Variants in TLK2 observed in about 807,000 individuals in gnomAD.
TLK2 encodes serine/threonine-protein kinase tousled-like 2.
A neutral mutation model predicts 117.3 loss-of-function variants in TLK2; 6 were observed. The ratio of observed to expected loss-of-function variants is 0.05; its 90% CI spans 0.03 to 0.10. The LOEUF is 0.10. TLK2 is among the 10% of genes least tolerant of loss of function. The pLI is 1.00. For missense variants in TLK2, 299 were observed against 901.2 expected, an observed-to-expected ratio of 0.33 and a Z score of 8.56; for synonymous variants, 257 against 316.7, an observed-to-expected ratio of 0.81 and a Z score of 2.00.
intron 6 of TLK2, among the ~76,000 whole-genome samples, chr17:62,526,851 G>A (rs2076396848): frequency 6.6e-6 from 1 of 152,146 alleles, no homozygotes; most frequent in Non-Finnish European, 1.5e-5. Context: ...TAGTCTCCTT[G>A]TTTTTGCCCT....
At position 62,615,287 on chromosome 17, in the gene TLK2, G is replaced by A. The variant is rs1260526904; in HGVS notation, c.*2722G>A. 1.3e-5 allele frequency: 2 copies of A among 152,142 alleles called. No individual in the cohort carries two copies. Among genetic ancestry groups the A allele is most frequent in the Non-Finnish European group, 2.9e-5 (2 of 68,046 alleles). 9.4% of individuals were successfully genotyped at this position (152,142 alleles called of 1,614,324 possible). On this transcript the variant is annotated 3_prime_UTR_variant, in exon 22 of 22. Transcript: ENST00000346027. Reference sequence around the variant, plus strand: ...GCAGCCAGTGAAATCACTAAGTGGGGTTCTTCCATGACATATTTTGTTAAT... The same window carrying A: ...GCAGCCAGTGAAATCACTAAGTGGGATTCTTCCATGACATATTTTGTTAAT...
At chr17:62,581,678 T>C (rs1773073890) in intron 15 of TLK2, among the ~76,000 whole-genome samples, 2 of 152,044 alleles carry the variant, frequency 1.3e-5, no homozygotes, top group South Asian at 2.1e-4. Flanking sequence ...TGGGCTCAAG[T>C]GATCACACCT....
chr17:62,530,682 A>G (rs1018561307), intron 6 of TLK2, among the ~76,000 whole-genome samples: 6 of 152,230 alleles, frequency 3.9e-5, no homozygotes, highest in Admixed American at 2.6e-4. Context: ...AGGTTTATCT[A>G]TGTATTTACC....
At chr17:62,580,628 C>T (rs1415357831) in intron 15 of TLK2, among the ~76,000 whole-genome samples, 1 of 152,168 alleles carries the variant, frequency 6.6e-6, no homozygotes, top group Non-Finnish European at 1.5e-5. Flanking sequence ...ATATCATTTA[C>T]TAGCACTGGC....
At chr17:62,592,470 G>A (rs1361945123) in intron 16 of TLK2, among the ~76,000 whole-genome samples, 1 of 152,202 alleles carries the variant, frequency 6.6e-6, no homozygotes, top group South Asian at 2.1e-4. Flanking sequence ...ATCGTTAGGT[G>A]ATTTTGTTGT....
chr17:62,557,570 C>A (rs191857572), intron 9 of TLK2, among the ~76,000 whole-genome samples: 20 of 152,254 alleles, frequency 1.3e-4, no homozygotes, highest in African/African-American at 4.1e-4. Context: ...TGTATACTTG[C>A]ATGGAGTTGC....
At chr17:62,602,304 C>A in intron 19 of TLK2, 124 bp downstream of exon 19, 1 of 898,456 alleles carries the variant, frequency 1.1e-6, no homozygotes, top group Non-Finnish European at 1.6e-6. Flanking sequence ...CCAAAGCAGA[C>A]TTTCTCCCCA....
chr17:62,560,910 T>C (rs2079215675), intron 10 of TLK2, among the ~76,000 whole-genome samples: 1 of 152,162 alleles, frequency 6.6e-6, no homozygotes, highest in African/African-American at 2.4e-5. Context: ...ATGTGCCATA[T>C]TGATGTGCTG....
At chr17:62,555,064 G>A (rs2078752765) in intron 9 of TLK2, among the ~76,000 whole-genome samples, 1 of 151,390 alleles carries the variant, frequency 6.6e-6, no homozygotes, top group Non-Finnish European at 1.5e-5. Flanking sequence ...AAATGTTACT[G>A]ATTTATGAAT....
At chr17:62,554,337 G>C (rs1387492383) in intron 9 of TLK2, among the ~76,000 whole-genome samples, 1 of 152,210 alleles carries the variant, frequency 6.6e-6, no homozygotes, top group Non-Finnish European at 1.5e-5. Context: ...CACTTTGGGA[G>C]GCCAAGGCAG....
At chr17:62,501,441 T>C (rs1368616371) in intron 2 of TLK2, among the ~76,000 whole-genome samples, 1 of 151,356 alleles carries the variant, frequency 6.6e-6, no homozygotes, top group East Asian at 2.0e-4. Context: ...GTAAATGAGA[T>C]AGAAAACAAG....
intron 6 of TLK2, among the ~76,000 whole-genome samples, chr17:62,533,008 C>A (rs190250032): frequency 6.6e-6 from 1 of 152,100 alleles, no homozygotes; most frequent in Non-Finnish European, 1.5e-5. Flanking sequence ...TTTTAACTTG[C>A]ATTTGTTCAT....
chr17:62,603,576 T>C (rs970089666), intron 19 of TLK2, among the ~76,000 whole-genome samples: 4 of 152,156 alleles, frequency 2.6e-5, no homozygotes, highest in African/African-American at 9.7e-5. Flanking sequence ...GTTACTGCTG[T>C]AGTTGCTTAC....
intron 11 of TLK2, among the ~76,000 whole-genome samples, chr17:62,566,225 G>A (rs1286227792): frequency 2.0e-5 from 3 of 151,812 alleles, no homozygotes; most frequent in Non-Finnish European, 4.4e-5. Flanking sequence ...AGTTGGAAGG[G>A]TCTATAGACT....
At chr17:62,481,931 G>A (rs944093823) in intron 2 of TLK2, among the ~76,000 whole-genome samples, 1 of 152,014 alleles carries the variant, frequency 6.6e-6, no homozygotes, top group Non-Finnish European at 1.5e-5. Context: ...CTTGAGATGT[G>A]TGAACGTATG....
intron 2 of TLK2, among the ~76,000 whole-genome samples, chr17:62,481,480 G>A (rs1389605790): frequency 1.3e-5 from 2 of 152,218 alleles, no homozygotes; most frequent in African/African-American, 2.4e-5. Context: ...CTAACAGGAT[G>A]TGTGTATAGA....
At chr17:62,526,630 T>A (rs1172002886) in intron 6 of TLK2, among the ~76,000 whole-genome samples, 1 of 152,182 alleles carries the variant, frequency 6.6e-6, no homozygotes, top group Non-Finnish European at 1.5e-5. Flanking sequence ...AAGGAACTCT[T>A]GCTTTCCCTT....
chr17:62,541,236 C>T (rs770980641), intron 7 of TLK2, among the ~76,000 whole-genome samples: 6 of 152,168 alleles, frequency 3.9e-5, no homozygotes, highest in Non-Finnish European at 7.3e-5. Flanking sequence ...CACCAGCTGA[C>T]GTACTATGAT....
chr17:62,532,499 G>T (rs765494882), intron 6 of TLK2, among the ~76,000 whole-genome samples: 8 of 152,102 alleles, frequency 5.3e-5, no homozygotes, highest in Non-Finnish European at 1.0e-4. Context: ...TTCTTTGTCA[G>T]GATCATTTTA....
Sources: gnomAD v4.1 joint callset for allele counts (sites outside exome capture counted in the v4.1 genomes callset) on GRCh38, gnomAD v4.1.1 for gene constraint, MANE v1.5 for transcripts, NCBI Gene and HGNC (gene_info 2026-07-23, HGNC 2026-07-21) for gene names.